The following DLG2 variants were observed in gnomAD, a reference collection of about 807,000 sequenced individuals.
DLG2 encodes discs large MAGUK scaffold protein 2.
A neutral mutation model predicts 132.5 loss-of-function variants in DLG2; 45 were observed. The ratio of observed to expected loss-of-function variants is 0.34; its 90% confidence interval spans 0.27 to 0.44. The LOEUF (loss-of-function observed/expected upper bound fraction) is 0.44. Ranked by LOEUF, DLG2 falls within the 20% of genes least tolerant of loss-of-function variation. The pLI is 1.00. For missense variants in DLG2, 1,045 were observed against 1,196.9 expected, an observed-to-expected ratio of 0.87 and a Z score of 1.87; for synonymous variants, 424 against 419.6, an observed-to-expected ratio of 1.01 and a Z score of -0.13.
intron 3 of DLG2, among the ~76,000 whole-genome samples, chr11:85,536,045 A>T (rs909039420): frequency 6.6e-6 from 1 of 151,906 alleles, no homozygotes; most frequent in African/African-American, 2.4e-5. Context: ...GTGAAACCCC[A>T]TCTCTACCAA....
chr11:83,842,431 T>G (rs981607205), intron 16 of DLG2, among the ~76,000 whole-genome samples: 6 of 138,032 alleles, frequency 4.3e-5, no homozygotes, highest in Admixed American at 1.6e-4. Flanking sequence ...CCATCTCTAC[T>G]AAAAATACAA....
intron 2 of DLG2, among the ~76,000 whole-genome samples, chr11:85,622,248 A>G (rs1047863909): frequency 6.6e-6 from 1 of 152,188 alleles, no homozygotes; most frequent in Non-Finnish European, 1.5e-5. Context: ...TATACAACAA[A>G]TATTTTGGTT....
chr11:84,487,693 A>G (rs1256683669), intron 7 of DLG2, among the ~76,000 whole-genome samples: 1 of 152,148 alleles, frequency 6.6e-6, no homozygotes, highest in East Asian at 1.9e-4. Flanking sequence ...AAATACAGAG[A>G]TAACTATACT....
chr11:84,804,760 C>A (rs960685128), intron 6 of DLG2, among the ~76,000 whole-genome samples: 4 of 152,078 alleles, frequency 2.6e-5, no homozygotes, highest in Non-Finnish European at 5.9e-5. Flanking sequence ...AATCTGTGAC[C>A]CTAACCCCAC....
intron 4 of DLG2, among the ~76,000 whole-genome samples, chr11:85,199,813 A>G (rs2081319099): frequency 6.6e-6 from 1 of 152,236 alleles, no homozygotes. Context: ...GCCACTGTTC[A>G]CATAGTCTAG....
At chr11:84,395,364 A>G (rs578211335) in intron 7 of DLG2, among the ~76,000 whole-genome samples, 48 of 152,226 alleles carry the variant, frequency 3.2e-4, no homozygotes, top group South Asian at 1.5e-3. Flanking sequence ...AAGGGGCCTT[A>G]GTGCGACACC....
chr11:83,883,720 A>G (rs1035549740), intron 15 of DLG2, among the ~76,000 whole-genome samples: 4 of 152,214 alleles, frequency 2.6e-5, no homozygotes, highest in Admixed American at 1.3e-4. Context: ...GTGGCTAGCT[A>G]TACATCATTC....
At chr11:84,308,270 A>G (rs1423796647) in intron 7 of DLG2, among the ~76,000 whole-genome samples, 1 of 152,140 alleles carries the variant, frequency 6.6e-6, no homozygotes, top group Non-Finnish European at 1.5e-5. Flanking sequence ...AGCTAGATAC[A>G]GAGTGTGGAC....
At chr11:84,043,168 TATTA>T (rs1309094957) in intron 11 of DLG2, among the ~76,000 whole-genome samples, 6 of 151,690 alleles carry the variant, frequency 4.0e-5, no homozygotes, top group African/African-American at 9.6e-5. Context: ...TTGAGCAATT[TATTA>T]ATTAAATTTA....
intron 8 of DLG2, among the ~76,000 whole-genome samples, chr11:84,245,342 G>T (rs1433206033): frequency 6.6e-6 from 1 of 152,032 alleles, no homozygotes; most frequent in Non-Finnish European, 1.5e-5. Context: ...TAAAAATGTT[G>T]CTGATATTAT....
At chr11:83,939,296 C>T (rs2154137302) in intron 14 of DLG2, among the ~76,000 whole-genome samples, 1 of 152,290 alleles carries the variant, frequency 6.6e-6, no homozygotes, top group South Asian at 2.1e-4. Context: ...TTTGCTTTTT[C>T]AGCAGACCGG....
chr11:84,917,850 C>G (rs1436391554), intron 6 of DLG2, among the ~76,000 whole-genome samples: 1 of 152,070 alleles, frequency 6.6e-6, no homozygotes, highest in Admixed American at 6.5e-5. Context: ...GGAGACCATA[C>G]TAAAGGAGTC....
At chr11:84,424,888 G>C (rs2098961516) in intron 7 of DLG2, among the ~76,000 whole-genome samples, 1 of 152,068 alleles carries the variant, frequency 6.6e-6, no homozygotes. Flanking sequence ...AGAATGTTAA[G>C]ATTCAGCAAA....
At chr11:84,438,052 A>G (rs2099006254) in intron 7 of DLG2, among the ~76,000 whole-genome samples, 1 of 152,184 alleles carries the variant, frequency 6.6e-6, no homozygotes, top group South Asian at 2.1e-4. Context: ...CTGCCCCTGC[A>G]GGCACAAACA....
intron 10 of DLG2, among the ~76,000 whole-genome samples, chr11:84,069,258 A>C (rs2154142017): frequency 6.6e-6 from 1 of 152,326 alleles, no homozygotes; most frequent in African/African-American, 2.4e-5. Context: ...TGGCTCATGT[A>C]TGATTCATTC....
chr11:84,496,169 A>G (rs957720802), intron 7 of DLG2, among the ~76,000 whole-genome samples: 1 of 152,234 alleles, frequency 6.6e-6, no homozygotes, highest in African/African-American at 2.4e-5. Context: ...ATCAAAGTTC[A>G]GAATGTACCA....
chr11:84,802,036 T>C (rs1036108924), intron 6 of DLG2, among the ~76,000 whole-genome samples: 3 of 152,052 alleles, frequency 2.0e-5, no homozygotes, highest in African/African-American at 7.2e-5. Flanking sequence ...TCATTAACTC[T>C]TTCCATAATT....
chr11:83,480,738 G>A, intron 22 of DLG2: 1 of 940,310 alleles, frequency 1.1e-6, no homozygotes, highest in Non-Finnish European at 1.6e-6. Flanking sequence ...CAAGATTTAT[G>A]TGACAATGAC....
chr11:85,624,972 T>C (rs2153282135), intron 2 of DLG2: 1 of 152,308 alleles, frequency 6.6e-6, no homozygotes, highest in South Asian at 2.1e-4. Context: ...TAACAGTTCT[T>C]TAAAGGGAAG....
Sources: gnomAD v4.1 joint callset for allele counts (sites outside exome capture counted in the v4.1 genomes callset) on GRCh38, gnomAD v4.1.1 for gene constraint, MANE v1.5 for transcripts, NCBI Gene and HGNC (gene_info 2026-07-23, HGNC 2026-07-21) for gene names.